UBE2G2: variants seen among roughly 807,000 people sequenced by gnomAD.
UBE2G2 encodes ubiquitin-conjugating enzyme E2 G2.
A neutral mutation model predicts 23.0 loss-of-function variants in UBE2G2; 10 were observed. The observed-to-expected ratio is 0.43, with a 90% CI of 0.27 to 0.74. UBE2G2 has a LOEUF of 0.74. Ranked by LOEUF, UBE2G2 falls within the 30% of genes least tolerant of loss-of-function variation. The probability of loss-of-function intolerance (pLI) is 0.19; values close to 1 mark genes in which losing one functional copy is unlikely to be tolerated. For synonymous variants in UBE2G2, 86 were observed against 81.3 expected, an observed-to-expected ratio of 1.06 and a Z score of -0.31; for missense variants, 150 against 218.3, an observed-to-expected ratio of 0.69 and a Z score of 1.97.
At chr21:44,790,864 T>C (rs235267) in intron 1 of UBE2G2, among the ~76,000 whole-genome samples, 119,725 of 152,212 alleles carry the variant, frequency 0.79, 47,673 homozygotes, top group African/African-American at 0.92. Context: ...AACTGGGTAG[T>C]AGGCAGAGGT....
At position 44,771,258 on chromosome 21, in the gene UBE2G2, C is replaced by A; in HGVS notation, c.*119G>T. The stretch of plus-strand genomic sequence containing the variant: ...AAGGTTTGAAAAAAAAAAAAGATGC[C>A]ATGGTTCTTGCAAGTCTGCCTTGTT... On this transcript the variant is annotated 3_prime_UTR_variant, in exon 6 of 6. Transcript: ENST00000345496. The surrounding 1 kb of genome is among the most constrained non-coding windows in gnomAD (Gnocchi z 4.6). 1 of 867,838 alleles carries A rather than the reference C, an allele frequency of 1.2e-6. No individual in the cohort carries two copies. The highest frequency in any genetic ancestry group is 1.8e-6 in the Non-Finnish European group (1 of 562,698). The allele number at this position is 867,838 out of a possible 1,614,324, so 53.8% of individuals were successfully genotyped here. A position where few individuals can be genotyped will look rare whatever the true frequency, so the allele number is the denominator to read the frequency against.
At chr21:44,782,499 A>C (rs2082964361) in intron 3 of UBE2G2, among the ~76,000 whole-genome samples, 1 of 152,268 alleles carries the variant, frequency 6.6e-6, no homozygotes, top group African/African-American at 2.4e-5. Context: ...ATCTTGAAAA[A>C]GAACAAAGTT....
At chr21:44,801,384 T>C (rs1555964751) in intron 1 of UBE2G2, 2 of 1,167,684 alleles carry the variant, frequency 1.7e-6, no homozygotes, top group East Asian at 4.4e-5. Context: ...AAGCTCTCAC[T>C]GCACGTTCTC....
chr21:44,776,355 T>C (rs235361), intron 4 of UBE2G2, among the ~76,000 whole-genome samples: 119,446 of 151,954 alleles, frequency 0.79, 47,531 homozygotes, highest in African/African-American at 0.92. Context: ...AATTTCAATC[T>C]GAAAAAAGAA....
At chr21:44,787,327 C>G (rs1235527942) in intron 3 of UBE2G2, among the ~76,000 whole-genome samples, 3 of 152,180 alleles carry the variant, frequency 2.0e-5, no homozygotes, top group Admixed American at 2.0e-4. Flanking sequence ...AAGTTAAATG[C>G]CACGAATCCC....
intron 3 of UBE2G2, among the ~76,000 whole-genome samples, chr21:44,778,964 T>C (rs1047049821): frequency 1.3e-5 from 2 of 152,232 alleles, no homozygotes; most frequent in Non-Finnish European, 2.9e-5. Flanking sequence ...TAAAAAAATA[T>C]ACGTTTTAAA....
At chr21:44,776,301 T>A (rs1555960572) in intron 4 of UBE2G2, among the ~76,000 whole-genome samples, 1 of 152,016 alleles carries the variant, frequency 6.6e-6, no homozygotes, top group African/African-American at 2.4e-5. Flanking sequence ...AAAATTAATA[T>A]ATATTAATTT....
At chr21:44,792,687 T>C (rs1555963099) in intron 1 of UBE2G2, among the ~76,000 whole-genome samples, 1 of 152,154 alleles carries the variant, frequency 6.6e-6, no homozygotes, top group Non-Finnish European at 1.5e-5. Context: ...CGATTAACCG[T>C]TTAATGAACC....
intron 3 of UBE2G2, among the ~76,000 whole-genome samples, chr21:44,784,526 C>T (rs2082980822): frequency 6.6e-6 from 1 of 152,222 alleles, no homozygotes; most frequent in South Asian, 2.1e-4. Flanking sequence ...ATTATAAACA[C>T]CTATTTTATT....
In UBE2G2 at chr21:44,797,633, T is replaced by C. The variant is rs557488898; in HGVS notation, c.43+4073A>G. Reference sequence around the variant, plus strand: ...GGGAGGCTGAGGCAGGAGAATGGCATGAACCCGGGAGGCGGAGCCTGCAGT... The same window carrying C: ...GGGAGGCTGAGGCAGGAGAATGGCACGAACCCGGGAGGCGGAGCCTGCAGT... On this transcript the variant is annotated intron_variant, in intron 1 of 5. Transcript: ENST00000345496. Among the ~76,000 whole-genome samples the C allele has an allele frequency of 5.8e-5, 8 of 136,820 alleles. No individual in the cohort carries two copies. The East Asian group carries it at 1.7e-3, about 29-fold the overall frequency. The allele number at this position is 136,820 out of a possible 152,430, so 89.8% of individuals were successfully genotyped here.
chr21:44,771,265 C>G lies in UBE2G2; in HGVS notation c.*112G>C. 1.1e-6 allele frequency: 1 copy of G among 909,336 alleles called. No individual in the cohort carries two copies. The highest frequency in any genetic ancestry group is 1.7e-6 in the Non-Finnish European group (1 of 600,070). The allele number at this position is 909,336 out of a possible 1,614,324, so 56.3% of individuals were successfully genotyped here. A position where few individuals can be genotyped will look rare whatever the true frequency, so the allele number is the denominator to read the frequency against. On this transcript the variant is annotated 3_prime_UTR_variant, in exon 6 of 6. Transcript: ENST00000345496. This position sits in a 1 kb window ranked among gnomAD's most constrained non-coding sequence, Gnocchi z 4.6. The stretch of plus-strand genomic sequence containing the variant: ...GAAAAAAAAAAAAGATGCCATGGTT[C>G]TTGCAAGTCTGCCTTGTTTGGTACC...
In UBE2G2 at chr21:44,787,156, C is replaced by A. The variant is rs368077138; in HGVS notation, c.125+764G>T. ...AACAGAGACTGATTACAAATTTCAA[C>A]TTCCTAAATTTTATTTAACCTCACT... On this transcript the variant is annotated intron_variant, in intron 3 of 5. Transcript: ENST00000345496. Among the ~76,000 whole-genome samples, 153 of 151,804 alleles carry A rather than the reference C, an allele frequency of 1.0e-3. 1 individual carries two copies. Among genetic ancestry groups the A allele is most frequent in the South Asian group, 4.8e-3 (23 of 4,798 alleles).
chr21:44,793,382 G>C (rs897484506), intron 1 of UBE2G2, among the ~76,000 whole-genome samples: 9 of 152,172 alleles, frequency 5.9e-5, no homozygotes, highest in Non-Finnish European at 1.2e-4. Flanking sequence ...CCTTAGGGAG[G>C]GGAAAGGGTG....
At chr21:44,790,748 C>G (rs1264803347) in intron 1 of UBE2G2, among the ~76,000 whole-genome samples, 3 of 152,184 alleles carry the variant, frequency 2.0e-5, no homozygotes, top group African/African-American at 7.2e-5. Flanking sequence ...ATAAATTATC[C>G]AGTCTCAGGG....
At chr21:44,797,923 G>A (rs376133565) in intron 1 of UBE2G2, among the ~76,000 whole-genome samples, 2 of 152,014 alleles carry the variant, frequency 1.3e-5, no homozygotes, top group East Asian at 1.9e-4. Flanking sequence ...CCCTCTGTTC[G>A]AGTATGAACA....
chr21:44,773,763 G>T, intron 4 of UBE2G2, 76 bp from the exon 5 acceptor site: 1 of 1,560,422 alleles, frequency 6.4e-7, no homozygotes, highest in South Asian at 1.2e-5. Context: ...AGGCTCCACA[G>T]ATAATGAGAA....
intron 4 of UBE2G2, 42 bp from the exon 5 acceptor site, chr21:44,773,729 C>T: frequency 1.9e-6 from 3 of 1,597,604 alleles, no homozygotes; most frequent in Non-Finnish European, 1.7e-6. Context: ...AGGAATGGTG[C>T]CCGAGGCATC....
chr21:44,777,322 G>A lies in UBE2G2; in HGVS notation c.221C>T (p.Thr74Ile), dbSNP rs1555960711. ...YPLSPPKMRF[T>I]CEMFHPNIYP... ...ACTGTTGGGATGAAACATCTCACAG[G>A]TAAATCTCATCTTTGGGGGACTTAA... The change falls in exon 4 of 6, where the codon ACC becomes ATC. Residue 74 changes from threonine to isoleucine, a missense_variant. Physicochemically the swap from Thr to Ile is moderately conservative, Grantham distance 89. Coordinates refer to ENST00000345496, the MANE Select transcript of UBE2G2 (RefSeq NM_003343.6). 1 of 1,613,980 alleles carries A rather than the reference G, an allele frequency of 6.2e-7. No homozygotes were observed. Among genetic ancestry groups the A allele is most frequent in the Non-Finnish European group, 8.5e-7 (1 of 1,179,988 alleles).
intron 1 of UBE2G2, among the ~76,000 whole-genome samples, chr21:44,795,120 A>T (rs2083076030): frequency 6.6e-6 from 1 of 152,048 alleles, no homozygotes; most frequent in African/African-American, 2.4e-5. Context: ...AAAATTAGCC[A>T]GGTGTGGTGG....
Sources: gnomAD v4.1 joint callset for allele counts (sites outside exome capture counted in the v4.1 genomes callset) on GRCh38, gnomAD v4.1.1 for gene constraint, Gnocchi (gnomAD v3.1) non-coding constraint, MANE v1.5 for transcripts, NCBI Gene and HGNC (gene_info 2026-07-23, HGNC 2026-07-21) for gene names.